The following SLC27A3 variants were observed in gnomAD, a reference collection of about 807,000 sequenced individuals.
The protein encoded by SLC27A3 is solute carrier family 27 member 3.
A neutral mutation model predicts 60.1 loss-of-function variants in SLC27A3; 60 were observed. The ratio of observed to expected loss-of-function variants is 1.00; its 90% CI spans 0.81 to 1.24. The LOEUF (loss-of-function observed/expected upper bound fraction) is 1.24. Ranked by LOEUF, SLC27A3 falls within the 50% of genes most tolerant of loss-of-function variation. SLC27A3 has a pLI of 0.00. For missense variants in SLC27A3, 1,079 were observed against 929.9 expected, an observed-to-expected ratio of 1.16 and a Z score of -2.09; for synonymous variants, 455 against 409.0, an observed-to-expected ratio of 1.11 and a Z score of -1.36.
chr1:153,775,637 G>A lies in SLC27A3; in HGVS notation c.140G>A (p.Arg47Gln). Reference protein sequence around the residue: ...VRALCCKRALRARALAAAAAD... With the variant: ...VRALCCKRALQARALAAAAAD... The stretch of plus-strand genomic sequence containing the variant: ...GCTCTGTGCTGCAAAAGGGCTCTTC[G>A]AGCTCGCGCCCTGGCCGCGGCTGCC... The change falls in exon 1 of 10, where the codon CGA becomes CAA. Residue 47 changes from arginine to glutamine, a missense_variant. Arg to Gln is a conservative substitution (Grantham distance 43). Coordinates refer to ENST00000624995, the MANE Select transcript of SLC27A3 (RefSeq NM_024330.4). 6.5e-7 allele frequency: 1 copy of A among 1,544,002 alleles called. No homozygotes were observed. Among genetic ancestry groups the A allele is most frequent in the Non-Finnish European group, 8.7e-7 (1 of 1,146,300 alleles).
chr1:153,777,358 T>C (rs1260600044), intron 3 of SLC27A3, 138 bp downstream of exon 3: 55 of 1,053,008 alleles, frequency 5.2e-5, no homozygotes, highest in Non-Finnish European at 7.5e-5. Flanking sequence ...CTCTGTACAA[T>C]AGGGCAATGT....
intron 1 of SLC27A3, 64 bp from the exon 2 acceptor site, chr1:153,776,454 C>T: frequency 6.9e-7 from 1 of 1,458,920 alleles, no homozygotes. Flanking sequence ...AGGGAGGGGA[C>T]ATGGGTCATA....
intron 4 of SLC27A3, 96 bp from the exon 5 acceptor site, chr1:153,778,065 A>C: frequency 6.7e-7 from 1 of 1,498,964 alleles, no homozygotes; most frequent in Non-Finnish European, 9.0e-7. Flanking sequence ...AGGAGGTCAC[A>C]GTAGGAGGGG....
rs779299625 is a variant in SLC27A3, at chr1:153,776,572, A to C, written c.722A>C (p.His241Pro). ...CCCGCCCTGAGAGCCATGGGGCTCC[A>C]CCTGTGGGCTGCAGGCCCAGGAACC... is the stretch of plus-strand genomic sequence containing the variant. The part of the protein sequence containing the change: ...DLPALRAMGL[H>P]LWAAGPGTHP... Residue 241 changes from histidine to proline, a missense_variant, in exon 2 of 10, where the codon CAC becomes CCC. By Grantham distance (77) the His-to-Pro change is moderately conservative. Coordinates refer to ENST00000624995, the MANE Select transcript of SLC27A3 (RefSeq NM_024330.4). 1 of 1,613,998 alleles carries C rather than the reference A, an allele frequency of 6.2e-7. No individual in the cohort carries two copies. The highest frequency in any genetic ancestry group is 1.3e-5 in the African/African-American group (1 of 74,904).
Position 153,776,137 on chromosome 1 carries a change from G to GGC in SLC27A3, c.651_652dup (p.Leu218ArgfsTer19), listed in dbSNP as rs754136629. The GGC allele has an allele frequency of 4.4e-5, 63 of 1,433,698 alleles. No homozygotes were observed. The highest frequency in any genetic ancestry group is 3.0e-4 in the South Asian group (20 of 67,750). 88.8% of individuals were successfully genotyped at this position (1,433,698 alleles called of 1,614,324 possible). A position where few individuals can be genotyped will look rare whatever the true frequency, so the allele number is the denominator to read the frequency against. On this transcript the variant is annotated frameshift_variant, in exon 1 of 10. Transcript: ENST00000624995. LOFTEE classifies it high-confidence loss of function. ...CCTGCTGCACTGCCTCCGCAGCTGC[G>GGC]GCGCGCGCGCGCTGGTGCTGGCGCC...
At position 153,775,936 on chromosome 1, in the gene SLC27A3, G is replaced by A. The variant is rs777777588; in HGVS notation, c.439G>A (p.Glu147Lys). The A allele has an allele frequency of 6.9e-6, 10 of 1,454,770 alleles. No individual in the cohort carries two copies. The South Asian group carries it at 1.4e-4, about 21-fold the overall frequency. 90.1% of individuals were successfully genotyped at this position (1,454,770 alleles called of 1,614,324 possible). ...AGDAAAGSGAEFAGGDGAARG... is the reference protein window; with the variant it reads ...AGDAAAGSGAKFAGGDGAARG... The stretch of plus-strand genomic sequence containing the variant: ...AGATGCAGCGGCCGGAAGCGGCGCG[G>A]AGTTTGCCGGAGGGGACGGTGCCGC... Residue 147 changes from glutamate (E) to lysine (K), a missense_variant, in exon 1 of 10, where the codon GAG (glutamate) becomes AAG (lysine). Glu to Lys is a moderately conservative substitution (Grantham distance 56, BLOSUM62 1). Transcript: ENST00000624995.
In SLC27A3 at chr1:153,775,419, C is replaced by T. The variant is rs1408628341; in HGVS notation, c.-79C>T. 1 of 1,611,584 alleles carries T rather than the reference C, an allele frequency of 6.2e-7. No homozygotes were observed. The highest frequency in any genetic ancestry group is 1.3e-5 in the African/African-American group (1 of 74,930). The stretch of plus-strand genomic sequence containing the variant: ...AGAAGTCTCAGCTAGAACGAGCGGC[C>T]CTAGGTTTTCGGAAGGGAGGATCAG... On this transcript the variant is annotated 5_prime_UTR_variant, in exon 1 of 10. Transcript: ENST00000624995.
intron 2 of SLC27A3, 95 bp from the exon 3 acceptor site, chr1:153,776,967 C>T: frequency 7.2e-7 from 1 of 1,394,908 alleles, no homozygotes; most frequent in Non-Finnish European, 1.0e-6. Context: ...CCTGCCTCCG[C>T]CTCTTTCTGT....
rs11552969 is a variant in SLC27A3 at position 153,779,442 on chromosome 1, C to T, written c.1844C>T (p.Pro615Leu). 1 of 1,613,922 alleles carries T rather than the reference C, an allele frequency of 6.2e-7. No individual in the cohort carries two copies. The highest frequency in any genetic ancestry group is 1.3e-5 in the African/African-American group (1 of 75,002). The change falls in exon 9 of 10, where the codon CCT becomes CTT. Residue 615 changes from proline (P) to leucine (L), a missense_variant. Pro to Leu is a moderately conservative substitution (Grantham distance 98). Coordinates refer to ENST00000624995, the MANE Select transcript of SLC27A3 (RefSeq NM_024330.4). ...ACCCACGTGTCTGAGAACTTGCCAC[C>T]TTATGCCCGGCCCCGATTCCTCAGG... ...LYTHVSENLPPYARPRFLRLQ... is the reference protein window; with the variant it reads ...LYTHVSENLPLYARPRFLRLQ...
rs1673237436 is a variant in SLC27A3, at chr1:153,776,588, C to G, written c.738C>G (p.Gly246=). ...RAMGLHLWAA[G]PGTHPAGISD... ...TGGGGCTCCACCTGTGGGCTGCAGG[C>G]CCAGGAACCCACCCTGCTGGAATTA... The change falls in exon 2 of 10, where the codon GGC becomes GGG. Residue 246 remains glycine (G), a synonymous_variant. Coordinates refer to ENST00000624995, the MANE Select transcript of SLC27A3 (RefSeq NM_024330.4). The G allele has an allele frequency of 6.2e-7, 1 of 1,614,074 alleles. No individual in the cohort carries two copies. Among genetic ancestry groups the G allele is most frequent in the Non-Finnish European group, 8.5e-7 (1 of 1,180,048 alleles).
chr1:153,775,975 G>C lies in SLC27A3; in HGVS notation c.478G>C (p.Ala160Pro), dbSNP rs1673189384. The C allele has an allele frequency of 6.9e-7, 1 of 1,439,728 alleles. No homozygotes were observed. Among genetic ancestry groups the C allele is most frequent in the Admixed American group, 2.9e-5 (1 of 34,926 alleles). The allele number at this position is 1,439,728 out of a possible 1,614,324, so 89.2% of individuals were successfully genotyped here. A position where few individuals can be genotyped will look rare whatever the true frequency, so the allele number is the denominator to read the frequency against. ...GGDGAARGGG[A>P]AAPLSPGATV... ...GGACGGTGCCGCCAGAGGTGGAGGA[G>C]CCGCCGCCCCTCTGTCACCTGGAGC... Residue 160 changes from alanine (A) to proline (P), a missense_variant, in exon 1 of 10, where the codon GCC (alanine) becomes CCC (proline). Ala to Pro is a conservative substitution (Grantham distance 27). Transcript: ENST00000624995.
At chr1:153,776,976 G>A (rs1673261660) in intron 2 of SLC27A3, 86 bp from the exon 3 acceptor site, 4 of 1,460,962 alleles carry the variant, frequency 2.7e-6, no homozygotes, top group Admixed American at 1.7e-5. Flanking sequence ...GCCTCTTTCT[G>A]TGGGAAACCC....
rs1673133125 is a variant in SLC27A3, at chr1:153,775,436, G to A, written c.-62G>A. ...CGAGCGGCCCTAGGTTTTCGGAAGG[G>A]AGGATCAGGGATGTTTGCGAGCGGC... On this transcript the variant is annotated 5_prime_UTR_variant, in exon 1 of 10. Transcript: ENST00000624995. 9.3e-6 allele frequency: 15 copies of A among 1,611,990 alleles called. No individual in the cohort carries two copies. Among genetic ancestry groups the A allele is most frequent in the African/African-American group, 2.7e-5 (2 of 74,946 alleles).
At position 153,779,343 on chromosome 1, in the gene SLC27A3, G is replaced by T; in HGVS notation, c.1745G>T (p.Gly582Val). Reference protein sequence around the residue: ...EVNVYGVTVPGHEGRAGMAAL... With the variant: ...EVNVYGVTVPVHEGRAGMAAL... Reference sequence around the variant, plus strand: ...TTACTCTGTCTCCCACACCCACCAGGGCATGAAGGCAGGGCTGGAATGGCA... The same window carrying T: ...TTACTCTGTCTCCCACACCCACCAGTGCATGAAGGCAGGGCTGGAATGGCA... Residue 582 changes from glycine (G) to valine (V), a missense_variant and splice_region_variant, in exon 9 of 10, where the codon GGG (glycine) becomes GTG (valine). Coordinates refer to ENST00000624995, the MANE Select transcript of SLC27A3 (RefSeq NM_024330.4). The T allele has an allele frequency of 6.2e-7, 1 of 1,613,928 alleles. No homozygotes were observed. Among genetic ancestry groups the T allele is most frequent in the Non-Finnish European group, 8.5e-7 (1 of 1,179,920 alleles).
intron 1 of SLC27A3, 152 bp from the exon 2 acceptor site, chr1:153,776,366 A>C: frequency 7.5e-7 from 1 of 1,326,404 alleles, no homozygotes; most frequent in Non-Finnish European, 1.0e-6. Flanking sequence ...ATCCCCAAGG[A>C]GTCGAGTTCC....
chr1:153,778,535 TGTATGGCC>T lies in SLC27A3; in HGVS notation c.1430_1437del (p.Cys477TyrfsTer5). On this transcript the variant is annotated frameshift_variant, in exon 6 of 10. Transcript: ENST00000624995. LOFTEE classifies it high-confidence loss of function. ...GCCAATTCGGGACCCCCAGGGGCAC[TGTATGGCC>T]ACATCTCCAGGTTGGTGGTGTTCTG... 6.2e-7 allele frequency: 1 copy of T among 1,614,094 alleles called. No homozygotes were observed. Among genetic ancestry groups the T allele is most frequent in the Non-Finnish European group, 8.5e-7 (1 of 1,179,976 alleles).
intron 4 of SLC27A3, 89 bp from the exon 5 acceptor site, chr1:153,778,072 G>A: frequency 6.6e-7 from 1 of 1,509,162 alleles, no homozygotes; most frequent in Non-Finnish European, 8.9e-7. Context: ...CACAGTAGGA[G>A]GGGGTTCTGG....
chr1:153,777,553 G>A (rs1673292327), intron 3 of SLC27A3: 1 of 659,168 alleles, frequency 1.5e-6, no homozygotes, highest in Non-Finnish European at 2.6e-6. Context: ...GGGAAGTAGG[G>A]AAAGGGCATT....
Position 153,776,703 on chromosome 1 carries a change from T to C in SLC27A3, c.853T>C (p.Tyr285His), listed in dbSNP as rs376383074. 12 of 1,613,958 alleles carry C rather than the reference T, an allele frequency of 7.4e-6. No homozygotes were observed. Among genetic ancestry groups the C allele is most frequent in the African/African-American group, 4.0e-5 (3 of 74,908 alleles). ...SPQSITDTCL[Y>H]IFTSGTTGLP... ...CCAGAGCATAACAGACACGTGCCTG[T>C]ACATCTTCACCTCTGGCACCACGGG... The change falls in exon 2 of 10, where the codon TAC becomes CAC. Residue 285 changes from tyrosine to histidine, a missense_variant. Coordinates refer to ENST00000624995, the MANE Select transcript of SLC27A3 (RefSeq NM_024330.4).
Sources: gnomAD v4.1 joint callset for allele counts on GRCh38, gnomAD v4.1.1 for gene constraint, MANE v1.5 for transcripts, NCBI Gene and HGNC (gene_info 2026-07-23, HGNC 2026-07-21) for gene names.